ST18: variants seen among roughly 807,000 people sequenced by gnomAD.
ST18 encodes ST18 C2H2C-type zinc finger transcription factor.
In ST18, 50 loss-of-function variants were observed where a neutral mutation model predicts 110.0. The ratio of observed to expected loss-of-function variants is 0.45; its 90% CI spans 0.36 to 0.58. The LOEUF (loss-of-function observed/expected upper bound fraction) is 0.58, where lower values mean the gene tolerates loss of function less well. Ranked by LOEUF, ST18 falls within the 20% of genes least tolerant of loss-of-function variation. The pLI is 0.00. For synonymous variants in ST18, 461 were observed against 452.4 expected, an observed-to-expected ratio of 1.02 and a Z score of -0.24; for missense variants, 1,306 against 1,280.1, an observed-to-expected ratio of 1.02 and a Z score of -0.31.
At chr8:52,388,935 T>C (rs2140950022) in intron 2 of ST18, among the ~76,000 whole-genome samples, 1 of 146,094 alleles carries the variant, frequency 6.8e-6, no homozygotes, top group Non-Finnish European at 1.5e-5. Context: ...CTGCACATTG[T>C]GCACATGTAC....
chr8:52,157,973 T>A (rs2060439891), intron 15 of ST18, among the ~76,000 whole-genome samples: 1 of 152,256 alleles, frequency 6.6e-6, no homozygotes, highest in African/African-American at 2.4e-5. Context: ...CTCAAGTAAG[T>A]CTAGGCAACT....
At chr8:52,233,926 T>A (rs1301652627) in intron 2 of ST18, among the ~76,000 whole-genome samples, 1 of 152,184 alleles carries the variant, frequency 6.6e-6, no homozygotes, top group African/African-American at 2.4e-5. Flanking sequence ...TGTACATCCA[T>A]CACCTCAAAT....
At chr8:52,120,138 T>G (rs1207589839) in intron 23 of ST18, among the ~76,000 whole-genome samples, 2 of 152,114 alleles carry the variant, frequency 1.3e-5, no homozygotes, top group Non-Finnish European at 2.9e-5. Flanking sequence ...ATTTTACTGG[T>G]TGGTGTGCAG....
chr8:52,299,572 T>C (rs1340827076), intron 2 of ST18, among the ~76,000 whole-genome samples: 1 of 152,222 alleles, frequency 6.6e-6, no homozygotes, highest in African/African-American at 2.4e-5. Flanking sequence ...GCTCTGTTAT[T>C]TCTCTTATTT....
intron 16 of ST18, among the ~76,000 whole-genome samples, chr8:52,144,250 A>G (rs2056383163): frequency 6.6e-6 from 1 of 152,120 alleles, no homozygotes. Context: ...AATCAGATGA[A>G]CTAATAAAAA....
At chr8:52,283,367 T>TG in intron 2 of ST18, among the ~76,000 whole-genome samples, 1 of 152,226 alleles carries the variant, frequency 6.6e-6, no homozygotes, top group South Asian at 2.1e-4. Context: ...AGCGATTGTG[T>TG]CCAAAGTTGC....
At chr8:52,200,891 G>T (rs1482147779) in intron 8 of ST18, among the ~76,000 whole-genome samples, 1 of 152,100 alleles carries the variant, frequency 6.6e-6, no homozygotes, top group Non-Finnish European at 1.5e-5. Context: ...TTTTAATTTT[G>T]AATACTCCTC....
chr8:52,263,743 CTTTTTTTTTTTT>C (rs755461916), intron 2 of ST18, among the ~76,000 whole-genome samples: 1 of 94,596 alleles, frequency 1.1e-5, no homozygotes, highest in Non-Finnish European at 2.1e-5. Flanking sequence ...CAGTGCCTGG[CTTTTTTTTTTTT>C]TTTTTTTTTG....
chr8:52,196,628 T>C (rs1265213971), intron 8 of ST18, among the ~76,000 whole-genome samples: 1 of 152,200 alleles, frequency 6.6e-6, no homozygotes, highest in Non-Finnish European at 1.5e-5. Flanking sequence ...TTGCAGCGTA[T>C]TTTTATAACT....
intron 2 of ST18, among the ~76,000 whole-genome samples, chr8:52,287,618 G>A (rs1056645731): frequency 3.3e-5 from 5 of 152,088 alleles, no homozygotes; most frequent in South Asian, 2.1e-4. Context: ...GGAGCTGCCC[G>A]GCCTCAAGGC....
At position 52,357,698 on chromosome 8, in the gene ST18, TA is replaced by T. The variant is rs1197186403; in HGVS notation, c.-465+51629del. On this transcript the variant is annotated intron_variant, in intron 2 of 25. Transcript: ENST00000689386. ...ATAAATATATATATATATATATATATATATATATATATATATATATATATAT... is the reference window on the plus strand; with the variant it reads ...ATAAATATATATATATATATATATATTATATATATATATATATATATATAT... 1.5e-4 allele frequency among the ~76,000 whole-genome samples: 14 copies of T among 91,356 alleles called. 1 individual carries two copies. The highest frequency in any genetic ancestry group is 5.8e-4 in the East Asian group (2 of 3,438). 59.9% of individuals were successfully genotyped at this position (91,356 alleles called of 152,430 possible).
chr8:52,401,161 C>T (rs975358307), intron 2 of ST18, among the ~76,000 whole-genome samples: 7 of 152,080 alleles, frequency 4.6e-5, no homozygotes, highest in African/African-American at 1.7e-4. Context: ...TCTCTTCTGG[C>T]TTGCAAGGTT....
chr8:52,395,983 C>T (rs967360094), intron 2 of ST18, among the ~76,000 whole-genome samples: 2 of 151,742 alleles, frequency 1.3e-5, no homozygotes, highest in African/African-American at 4.8e-5. Flanking sequence ...AAAATAGGCA[C>T]AAAAATAAAT....
At chr8:52,126,705 A>AT (rs1031371940) in intron 22 of ST18, among the ~76,000 whole-genome samples, 1 of 152,150 alleles carries the variant, frequency 6.6e-6, no homozygotes, top group African/African-American at 2.4e-5. Context: ...CTTTTACAAC[A>AT]TTTTTCATTA....
intron 23 of ST18, among the ~76,000 whole-genome samples, chr8:52,123,277 C>T (rs1449706121): frequency 6.6e-6 from 1 of 152,092 alleles, no homozygotes; most frequent in Non-Finnish European, 1.5e-5. Context: ...ATGATTTGTA[C>T]GTAGTTTAAA....
At chr8:52,134,196 C>T (rs2051016440) in intron 19 of ST18, among the ~76,000 whole-genome samples, 2 of 152,218 alleles carry the variant, frequency 1.3e-5, no homozygotes, top group Non-Finnish European at 1.5e-5. Flanking sequence ...TGTCCTGCTT[C>T]ATGGCCCAAG....
At chr8:52,155,672 C>T (rs865889629) in intron 15 of ST18, among the ~76,000 whole-genome samples, 2 of 152,142 alleles carry the variant, frequency 1.3e-5, no homozygotes, top group East Asian at 1.9e-4. Flanking sequence ...TATCATCCTT[C>T]GTTATATTTT....
chr8:52,296,907 T>G (rs190406342), intron 2 of ST18, among the ~76,000 whole-genome samples: 2 of 152,294 alleles, frequency 1.3e-5, no homozygotes, highest in Admixed American at 1.3e-4. Context: ...ATACATTTTC[T>G]AAGTATGAAT....
At chr8:52,234,149 C>A (rs1048293336) in intron 2 of ST18, among the ~76,000 whole-genome samples, 1 of 152,170 alleles carries the variant, frequency 6.6e-6, no homozygotes, top group Non-Finnish European at 1.5e-5. Flanking sequence ...CAAAAAATGC[C>A]TTAGAAGAAC....
Sources: allele counts gnomAD v4.1 joint callset (sites outside exome capture counted in the v4.1 genomes callset), GRCh38; gene constraint gnomAD v4.1.1; transcripts MANE v1.5; gene names NCBI Gene and HGNC (gene_info 2026-07-23, HGNC 2026-07-21).